The following NCALD variants were observed in gnomAD, a reference collection of about 807,000 sequenced individuals.
NCALD encodes neurocalcin delta.
A neutral mutation model predicts 18.6 loss-of-function variants in NCALD; 10 were observed. That is an observed-to-expected ratio of 0.54 (90% CI 0.33 to 0.91). The LOEUF (loss-of-function observed/expected upper bound fraction) is 0.91, where lower values mean the gene tolerates loss of function less well. Ranked by LOEUF, NCALD falls within the 40% of genes least tolerant of loss-of-function variation. NCALD has a pLI of 0.03. For synonymous variants in NCALD, 88 were observed against 87.4 expected (o/e 1.01, Z -0.04); for missense variants, 184 against 247.6 (o/e 0.74, Z 1.72).
intron 3 of NCALD, among the ~76,000 whole-genome samples, chr8:101,895,728 A>C (rs1385775159): frequency 1.2e-4 from 18 of 148,894 alleles, no homozygotes; most frequent in African/African-American, 4.4e-4. Context: ...CAACAGACAA[A>C]GAGAGAGCCA....
chr8:101,837,229 C>A (rs1270526117), intron 4 of NCALD, among the ~76,000 whole-genome samples: 1 of 152,180 alleles, frequency 6.6e-6, no homozygotes, highest in African/African-American at 2.4e-5. Flanking sequence ...CTCCCTGTGA[C>A]CTTGAACATG....
intron 2 of NCALD, among the ~76,000 whole-genome samples, chr8:101,967,476 C>G (rs1820072039): frequency 6.6e-6 from 1 of 152,090 alleles, no homozygotes; most frequent in Non-Finnish European, 1.5e-5. Context: ...TCCTAGGGGC[C>G]CAATATTCAA....
At chr8:101,691,442 T>A in intron 3 of NCALD, 1 of 985,298 alleles carries the variant, frequency 1.0e-6, no homozygotes, top group Non-Finnish European at 1.2e-6. Context: ...AACACACAGT[T>A]AGGGCTTTAG....
At chr8:101,730,194 A>G (rs1335743189) in intron 1 of NCALD, among the ~76,000 whole-genome samples, 1 of 152,144 alleles carries the variant, frequency 6.6e-6, no homozygotes, top group Non-Finnish European at 1.5e-5. Flanking sequence ...CACTTAAAAG[A>G]ATATTGGCTG....
At chr8:102,073,916 G>C (rs1824261696) in intron 1 of NCALD, among the ~76,000 whole-genome samples, 1 of 152,214 alleles carries the variant, frequency 6.6e-6, no homozygotes, top group Non-Finnish European at 1.5e-5. Flanking sequence ...AGTTGCACTA[G>C]ATGTTTTTGG....
At chr8:102,118,708 T>C (rs907939490) in intron 1 of NCALD, among the ~76,000 whole-genome samples, 2 of 150,996 alleles carry the variant, frequency 1.3e-5, no homozygotes, top group Non-Finnish European at 3.0e-5. Flanking sequence ...TCTAAATAAT[T>C]AAAATAACTT....
chr8:101,998,007 G>A (rs1372228887), intron 2 of NCALD, among the ~76,000 whole-genome samples: 2 of 152,170 alleles, frequency 1.3e-5, no homozygotes, highest in African/African-American at 2.4e-5. Context: ...GAGCATTCAG[G>A]TAATGACAGC....
intron 1 of NCALD, among the ~76,000 whole-genome samples, chr8:102,037,565 G>C (rs62518513): frequency 0.23 from 35,526 of 152,124 alleles, 4,476 homozygotes; most frequent in Non-Finnish European, 0.28. Context: ...CTATCTCCTA[G>C]AGATATAAAT....
At chr8:101,791,931 C>T (rs530762155), upstream of NCALD, among the ~76,000 whole-genome samples, 8 of 152,264 alleles carry the variant, frequency 5.3e-5, no homozygotes, top group Admixed American at 3.9e-4. Context: ...TCCTTTACGA[C>T]GACCCTAGCT....
intron 2 of NCALD, among the ~76,000 whole-genome samples, chr8:101,970,837 A>G (rs1218237117): frequency 6.6e-6 from 1 of 152,172 alleles, no homozygotes. Flanking sequence ...TTCTGCTCCA[A>G]TACTCAGGCT....
intron 4 of NCALD, among the ~76,000 whole-genome samples, chr8:101,876,137 T>C (rs1014040748): frequency 8.5e-5 from 13 of 152,176 alleles, no homozygotes; most frequent in African/African-American, 3.1e-4. Flanking sequence ...GGGAAAATAG[T>C]AGAGGAATGC....
chr8:101,709,695 T>G (rs1289913884), intron 2 of NCALD, among the ~76,000 whole-genome samples: 1 of 152,206 alleles, frequency 6.6e-6, no homozygotes, highest in Non-Finnish European at 1.5e-5. Flanking sequence ...GGTTGATCCC[T>G]TCCTCAGACA....
At chr8:101,763,293 A>G (rs1811190385) in intron 1 of NCALD, among the ~76,000 whole-genome samples, 1 of 152,224 alleles carries the variant, frequency 6.6e-6, no homozygotes, top group Non-Finnish European at 1.5e-5. Flanking sequence ...TTAGGGTGGC[A>G]GCAATGCAAG....
chr8:101,964,473 C>T (rs1226367771), intron 2 of NCALD, among the ~76,000 whole-genome samples: 1 of 152,132 alleles, frequency 6.6e-6, no homozygotes, highest in East Asian at 1.9e-4. Context: ...CTTGTGGCTC[C>T]ACCAACTTCA....
At position 101,719,610 on chromosome 8, in the gene NCALD, T is replaced by C; in HGVS notation, c.20A>G (p.Lys7Arg). MGKQNS[K>R]LRPEVMQDLL... ...GTCCTGCATGACCTCCGGGCGCAGC[T>C]TGCTGTTCTGTTTCCCCATCCTGGC... The change falls in exon 2 of 4, where the codon AAG (lysine) becomes AGG (arginine). Residue 7 changes from lysine to arginine, a missense_variant. Lys to Arg is a conservative substitution (Grantham distance 26, BLOSUM62 2). Coordinates refer to ENST00000220931, the MANE Select transcript of NCALD (RefSeq NM_032041.3). The C allele has an allele frequency of 6.3e-7, 1 of 1,584,798 alleles. No homozygotes were observed.
intron 2 of NCALD, among the ~76,000 whole-genome samples, chr8:101,936,801 T>C (rs1261327156): frequency 6.6e-6 from 1 of 152,148 alleles, no homozygotes; most frequent in Non-Finnish European, 1.5e-5. Flanking sequence ...TACCACGATA[T>C]AGTGTTTTAA....
intron 1 of NCALD, among the ~76,000 whole-genome samples, chr8:101,751,352 A>G (rs1319671224): frequency 6.6e-6 from 1 of 152,182 alleles, no homozygotes; most frequent in Non-Finnish European, 1.5e-5. Context: ...GGCGTGGGGA[A>G]GGAGATGACT....
intron 3 of NCALD, among the ~76,000 whole-genome samples, chr8:101,891,820 A>T (rs1264942): frequency 6.6e-6 from 1 of 152,000 alleles, no homozygotes; most frequent in Non-Finnish European, 1.5e-5. Flanking sequence ...TAAAAAACGG[A>T]GCACCACGAG....
chr8:102,095,871 T>C (rs1825077909), intron 1 of NCALD, among the ~76,000 whole-genome samples: 1 of 152,212 alleles, frequency 6.6e-6, no homozygotes, highest in Non-Finnish European at 1.5e-5. Flanking sequence ...ACTAGTCACC[T>C]TTCAACAAAG....
Sources: allele counts gnomAD v4.1 joint callset (sites outside exome capture counted in the v4.1 genomes callset), GRCh38; gene constraint gnomAD v4.1.1; transcripts MANE v1.5; gene names NCBI Gene and HGNC (gene_info 2026-07-23, HGNC 2026-07-21).